APBA1: variants seen among roughly 807,000 people sequenced by gnomAD.
APBA1 encodes amyloid-beta A4 precursor protein-binding family A member 1.
APBA1 carries 55 observed loss-of-function variants against 86.6 expected under a neutral mutation model. The observed-to-expected ratio is 0.64, with a 90% CI of 0.51 to 0.80. The LOEUF is 0.80. Among genes scored for constraint, APBA1 ranks in the 30% least tolerant of loss-of-function variants. The pLI is 0.00. For missense variants in APBA1, 1,090 were observed against 1,183.0 expected (o/e 0.92, Z 1.15); for synonymous variants, 511 against 493.9 (o/e 1.03, Z -0.46).
intron 2 of APBA1, among the ~76,000 whole-genome samples, chr9:69,485,178 AG>A (rs1835587388): frequency 1.3e-5 from 2 of 152,004 alleles, no homozygotes; most frequent in African/African-American, 2.4e-5. Flanking sequence ...CTGGGCTCCA[AG>A]GACACTCTTG....
intron 1 of APBA1, among the ~76,000 whole-genome samples, chr9:69,550,447 C>T (rs894035590): frequency 6.6e-6 from 1 of 151,916 alleles, no homozygotes; most frequent in Non-Finnish European, 1.5e-5. Context: ...TATAAGTGCC[C>T]TTCAATTAAT....
chr9:69,658,278 TTC>T lies in APBA1; in HGVS notation c.-70+13873_-70+13874del, dbSNP rs1491037095. ...TTTCTTTCTTTCTTTCTTTCTTTCT[TTC>T]TTTCTCTCTCTCTTTCTCTCTCTCT... On this transcript the variant is annotated intron_variant, in intron 1 of 12. Coordinates refer to ENST00000265381, the MANE Select transcript of APBA1 (RefSeq NM_001163.4). Among the ~76,000 whole-genome samples the T allele has an allele frequency of 2.5e-3, 162 of 65,564 alleles. 8 individuals are homozygous for T. Among genetic ancestry groups the T allele is most frequent in the Admixed American group, 8.0e-3 (43 of 5,356 alleles). The allele number at this position is 65,564 out of a possible 152,430, so 43.0% of individuals were successfully genotyped here. A position where few individuals can be genotyped will look rare whatever the true frequency, so the allele number is the denominator to read the frequency against.
chr9:69,650,621 ATTCAGTATACCTG>A (rs1217379324), intron 1 of APBA1, among the ~76,000 whole-genome samples: 5 of 152,232 alleles, frequency 3.3e-5, no homozygotes, highest in Non-Finnish European at 7.3e-5. Flanking sequence ...AATAACCTGA[ATTCAGTATACCTG>A]TTCAGTATCC....
chr9:69,545,824 G>T (rs570991915), intron 1 of APBA1, among the ~76,000 whole-genome samples: 1 of 152,248 alleles, frequency 6.6e-6, no homozygotes, highest in East Asian at 1.9e-4. Context: ...CAAAAAGAAA[G>T]AGTATTTGAA....
At chr9:69,574,087 C>T (rs1821730617) in intron 1 of APBA1, among the ~76,000 whole-genome samples, 1 of 152,040 alleles carries the variant, frequency 6.6e-6, no homozygotes, top group African/African-American at 2.4e-5. Context: ...ATTTATGTAT[C>T]TTCAGATAAA....
rs545135762 is a variant in APBA1 at position 69,489,276 on chromosome 9, C to T, written c.1201-13133G>A. Among the ~76,000 whole-genome samples the T allele has an allele frequency of 1.1e-4, 16 of 152,196 alleles. No individual in the cohort carries two copies. In the South Asian group the frequency reaches 3.3e-3, roughly 32 times the overall value. ...AAACAGCATGGTACTGGTACCAAAA[C>T]AGAGATATAGACCAATGGAACAGAA... On this transcript the variant is annotated intron_variant, in intron 2 of 12. Transcript: ENST00000265381.
At chr9:69,485,872 T>C (rs1324258439) in intron 2 of APBA1, among the ~76,000 whole-genome samples, 1 of 152,068 alleles carries the variant, frequency 6.6e-6, no homozygotes, top group African/African-American at 2.4e-5. Context: ...AAGAAATGTA[T>C]CATCCTGTCC....
chr9:69,495,945 C>T (rs182647662), intron 2 of APBA1, among the ~76,000 whole-genome samples: 17 of 152,200 alleles, frequency 1.1e-4, no homozygotes, highest in Middle Eastern at 6.8e-3. Flanking sequence ...CCTCATGCTG[C>T]AGTCTGAATA....
intron 3 of APBA1, chr9:69,474,214 AGGTACCTTGTCCAT>A (rs1287106269): frequency 2.0e-5 from 3 of 152,206 alleles, no homozygotes; most frequent in African/African-American, 4.8e-5. Flanking sequence ...ATGACAGACA[AGGTACCTTGTCCAT>A]GTAGTCTGTG....
At chr9:69,628,421 G>T (rs1822974421) in intron 1 of APBA1, among the ~76,000 whole-genome samples, 1 of 152,162 alleles carries the variant, frequency 6.6e-6, no homozygotes, top group Non-Finnish European at 1.5e-5. Context: ...AATACACTAT[G>T]AGAAGAAATA....
intron 1 of APBA1, among the ~76,000 whole-genome samples, chr9:69,658,106 T>C (rs1234391514): frequency 6.6e-6 from 1 of 152,156 alleles, no homozygotes; most frequent in Non-Finnish European, 1.5e-5. Flanking sequence ...CAGCAGCTAC[T>C]TCTCAGGAAA....
intron 1 of APBA1, among the ~76,000 whole-genome samples, chr9:69,662,889 TC>T (rs973727990): frequency 2.0e-5 from 3 of 152,182 alleles, no homozygotes; most frequent in African/African-American, 4.8e-5. Context: ...CTTTCCCTTT[TC>T]CACACTAATG....
intron 11 of APBA1, among the ~76,000 whole-genome samples, chr9:69,434,161 C>T (rs986528298): frequency 6.6e-6 from 1 of 152,180 alleles, no homozygotes; most frequent in African/African-American, 2.4e-5. Context: ...ACTGTACAGC[C>T]CCAGGCTTGG....
chr9:69,439,982 T>A (rs192711464), intron 11 of APBA1, among the ~76,000 whole-genome samples: 1 of 152,244 alleles, frequency 6.6e-6, no homozygotes, highest in Non-Finnish European at 1.5e-5. Flanking sequence ...CCTTTCTGTT[T>A]GTTAGTTTTC....
intron 1 of APBA1, among the ~76,000 whole-genome samples, chr9:69,659,088 C>T (rs944551410): frequency 6.6e-6 from 1 of 152,208 alleles, no homozygotes; most frequent in Admixed American, 6.5e-5. Flanking sequence ...CACACAAACC[C>T]TCTTCTTGGT....
chr9:69,571,952 T>G (rs1177241717), intron 1 of APBA1, among the ~76,000 whole-genome samples: 1 of 152,194 alleles, frequency 6.6e-6, no homozygotes, highest in Non-Finnish European at 1.5e-5. Flanking sequence ...AGTGGGATGT[T>G]CTGATCAGAA....
intron 1 of APBA1, among the ~76,000 whole-genome samples, chr9:69,616,448 T>G (rs1822702588): frequency 6.6e-6 from 1 of 152,192 alleles, no homozygotes; most frequent in South Asian, 2.1e-4. Flanking sequence ...CTCAAAACCA[T>G]GCGAACTGGG....
chr9:69,668,592 C>A (rs768911562), intron 1 of APBA1, among the ~76,000 whole-genome samples: 6 of 152,306 alleles, frequency 3.9e-5, no homozygotes, highest in Non-Finnish European at 7.3e-5. Context: ...CAATCTTTCT[C>A]CTCACAAATC....
intron 4 of APBA1, among the ~76,000 whole-genome samples, chr9:69,468,890 G>A (rs1158240129): frequency 6.6e-6 from 1 of 150,792 alleles, no homozygotes; most frequent in East Asian, 1.9e-4. Context: ...TTTGAGACAG[G>A]GTCTCACTCT....
Sources: gnomAD v4.1 joint callset for allele counts (sites outside exome capture counted in the v4.1 genomes callset) on GRCh38, gnomAD v4.1.1 for gene constraint, MANE v1.5 for transcripts, NCBI Gene and HGNC (gene_info 2026-07-23, HGNC 2026-07-21) for gene names.